Variants in TRPM3 observed in about 807,000 individuals in gnomAD.
TRPM3 encodes long transient receptor potential channel 3.
Under a neutral mutation model 181.2 loss-of-function variants are expected in TRPM3, and 77 were observed. That is an observed-to-expected ratio of 0.42 (90% CI 0.35 to 0.51). The LOEUF (loss-of-function observed/expected upper bound fraction) is 0.51, where lower values mean the gene tolerates loss of function less well. TRPM3 is among the 20% of genes least tolerant of loss of function. TRPM3 has a pLI of 0.01. For missense variants in TRPM3, 1,759 were observed against 2,196.7 expected (o/e 0.80, Z 3.98); for synonymous variants, 745 against 796.4 (o/e 0.94, Z 1.09).
At chr9:71,408,799 T>C (rs2093486571) in intron 1 of TRPM3, among the ~76,000 whole-genome samples, 1 of 152,024 alleles carries the variant, frequency 6.6e-6, no homozygotes, top group Non-Finnish European at 1.5e-5. Context: ...AGACATGTAA[T>C]TGTCAGATTC....
intron 1 of TRPM3, among the ~76,000 whole-genome samples, chr9:70,893,613 G>A (rs918944646): frequency 1.5e-4 from 23 of 151,924 alleles, no homozygotes; most frequent in African/African-American, 5.6e-4. Context: ...TCCTAGATCT[G>A]GAAAAATTAG....
intron 1 of TRPM3, among the ~76,000 whole-genome samples, chr9:70,891,271 T>A (rs79970452): frequency 1.3e-5 from 2 of 151,652 alleles, no homozygotes; most frequent in South Asian, 2.1e-4. Flanking sequence ...TACTGAAAAA[T>A]TGAAAAAAAT....
intron 1 of TRPM3, among the ~76,000 whole-genome samples, chr9:71,108,049 C>T (rs755541443): frequency 3.9e-5 from 6 of 152,126 alleles, no homozygotes; most frequent in Non-Finnish European, 5.9e-5. Context: ...CACATCCTGC[C>T]ATCTTAGGGT....
At chr9:70,654,456 C>T (rs1484507330) in intron 9 of TRPM3, among the ~76,000 whole-genome samples, 3 of 151,988 alleles carry the variant, frequency 2.0e-5, no homozygotes, top group African/African-American at 7.3e-5. Flanking sequence ...GTTTTGAGCC[C>T]TCTCAGAGGT....
chr9:70,610,824 A>C, intron 18 of TRPM3, 75 bp from the exon 19 acceptor site: 1 of 1,556,606 alleles, frequency 6.4e-7, no homozygotes, highest in East Asian at 2.2e-5. Context: ...TACTTTACAG[A>C]TGAGGAAAGG....
intron 6 of TRPM3, among the ~76,000 whole-genome samples, chr9:70,805,981 G>C (rs998158106): frequency 6.6e-6 from 1 of 152,162 alleles, no homozygotes; most frequent in Middle Eastern, 3.2e-3. Context: ...AGATTTGTTT[G>C]ATGACCAGAA....
At chr9:71,233,216 C>T (rs1444103826) in intron 1 of TRPM3, among the ~76,000 whole-genome samples, 1 of 152,288 alleles carries the variant, frequency 6.6e-6, no homozygotes, top group African/African-American at 2.4e-5. Flanking sequence ...TCAAATGAAT[C>T]ATTTTCCCTC....
intron 1 of TRPM3, among the ~76,000 whole-genome samples, chr9:70,889,353 T>G (rs1306967283): frequency 6.6e-6 from 1 of 152,214 alleles, no homozygotes; most frequent in Non-Finnish European, 1.5e-5. Flanking sequence ...GCTGAAAGTA[T>G]GAGGCACCAG....
rs139330946 is a variant in TRPM3, at chr9:70,623,935, C to T, written c.1809+1256G>A. On this transcript the variant is annotated intron_variant, in intron 14 of 25. Transcript: ENST00000677713. ...GGCAGATGGACTAAGGTTATGTAGA[C>T]TTGGACCTTTGGCAGATGTTTTTGG... 1.0e-3 allele frequency among the ~76,000 whole-genome samples: 157 copies of T among 151,842 alleles called. 1 individual carries two copies. Among genetic ancestry groups the T allele is most frequent in the African/African-American group, 3.7e-3 (154 of 41,408 alleles).
chr9:70,986,207 A>T (rs1005752026), intron 1 of TRPM3, among the ~76,000 whole-genome samples: 3 of 152,028 alleles, frequency 2.0e-5, no homozygotes, highest in Admixed American at 6.6e-5. Context: ...AATTAAAATT[A>T]AATAAAATTA....
At chr9:70,689,133 A>C (rs777891506) in intron 8 of TRPM3, among the ~76,000 whole-genome samples, 3 of 152,190 alleles carry the variant, frequency 2.0e-5, no homozygotes, top group Non-Finnish European at 4.4e-5. Flanking sequence ...CAATTTTAAC[A>C]CAAGAGTCTA....
chr9:71,115,710 A>C (rs1256553193), intron 1 of TRPM3, among the ~76,000 whole-genome samples: 1 of 152,108 alleles, frequency 6.6e-6, no homozygotes, highest in East Asian at 1.9e-4. Context: ...TGGCCCCTGG[A>C]CTTGGATGTC....
In TRPM3 at chr9:71,156,806, G is replaced by C. The variant is rs61139918; in HGVS notation, c.183+289847C>G. On this transcript the variant is annotated intron_variant, in intron 1 of 24. Coordinates refer to the TRPM3 transcript ENST00000357533. ...TGAAAATTTGCAAAGTCTAATGGAA[G>C]AATATTCAATGTCACTAAGAATGCA... Among the ~76,000 whole-genome samples, 1,216 of 152,122 alleles carry C rather than the reference G, an allele frequency of 8.0e-3. 22 individuals are homozygous for C. Among genetic ancestry groups the C allele is most frequent in the African/African-American group, 0.028 (1,166 of 41,522 alleles).
chr9:71,309,972 A>C (rs527483032), intron 1 of TRPM3, among the ~76,000 whole-genome samples: 14 of 152,252 alleles, frequency 9.2e-5, no homozygotes, highest in Non-Finnish European at 1.6e-4. Context: ...CATCTTTGGA[A>C]AGAACTATTT....
chr9:70,591,250 A>G (rs1199835557), intron 21 of TRPM3, 45 bp from the exon 22 acceptor site: 3 of 1,533,278 alleles, frequency 2.0e-6, no homozygotes, highest in Non-Finnish European at 2.7e-6. Context: ...GAAAACCCAT[A>G]TGATTGAGTG....
In TRPM3 at chr9:71,074,486, C is replaced by T. The variant is rs78097980; in HGVS notation, c.177+46692G>A. Among the ~76,000 whole-genome samples the T allele has an allele frequency of 5.1e-3, 783 of 152,276 alleles. 17 individuals carry two copies. The East Asian group carries it at 0.078, about 15-fold the overall frequency. On this transcript the variant is annotated intron_variant, in intron 1 of 25. Coordinates refer to ENST00000677713, the MANE Select transcript of TRPM3 (RefSeq NM_001366145.2). ...GGCAGCAGACTTCAGCATCAGATTC[C>T]CAGTGTCCACATCCTGCTCTCTCTT...
chr9:70,749,342 T>A (rs2075734254), intron 8 of TRPM3, among the ~76,000 whole-genome samples: 1 of 152,170 alleles, frequency 6.6e-6, no homozygotes, highest in Non-Finnish European at 1.5e-5. Flanking sequence ...TACCATACTA[T>A]AAAGTCTGCG....
intron 21 of TRPM3, among the ~76,000 whole-genome samples, chr9:70,597,739 A>G (rs902597897): frequency 6.6e-6 from 1 of 152,228 alleles, no homozygotes; most frequent in African/African-American, 2.4e-5. Context: ...AAGGAGCATC[A>G]TTCTGGAAGC....
intron 1 of TRPM3, among the ~76,000 whole-genome samples, chr9:70,940,592 A>T (rs2096876418): frequency 6.6e-6 from 1 of 152,246 alleles, no homozygotes; most frequent in African/African-American, 2.4e-5. Context: ...TAAAAAAAGA[A>T]ATATATAAGA....
Sources: allele counts gnomAD v4.1 joint callset (sites outside exome capture counted in the v4.1 genomes callset), GRCh38; gene constraint gnomAD v4.1.1; transcripts MANE v1.5; gene names NCBI Gene and HGNC (gene_info 2026-07-23, HGNC 2026-07-21).